The following NEK1 variants were observed in gnomAD, a reference collection of about 807,000 sequenced individuals.
NEK1 encodes the protein serine/threonine-protein kinase Nek1.
Under a neutral mutation model 182.1 loss-of-function variants are expected in NEK1, and 137 were observed. The observed-to-expected ratio is 0.75, with a 90% CI of 0.65 to 0.87. The LOEUF (loss-of-function observed/expected upper bound fraction) is 0.87. NEK1 is among the 40% of genes least tolerant of loss of function. NEK1 has a pLI of 0.00. For synonymous variants in NEK1, 513 were observed against 492.2 expected, an observed-to-expected ratio of 1.04 and a Z score of -0.56; for missense variants, 1,391 against 1,494.4, an observed-to-expected ratio of 0.93 and a Z score of 1.14.
At chr4:169,586,678 C>G (rs1358345867) in intron 9 of NEK1, among the ~76,000 whole-genome samples, 1 of 151,636 alleles carries the variant, frequency 6.6e-6, no homozygotes, top group Non-Finnish European at 1.5e-5. Context: ...AACCACCATC[C>G]CACATTACTT....
At chr4:169,522,129 TTCTGTCATCATC>T (rs1756168630) in intron 19 of NEK1, among the ~76,000 whole-genome samples, 1 of 152,236 alleles carries the variant, frequency 6.6e-6, no homozygotes, top group African/African-American at 2.4e-5. Flanking sequence ...TGATTCTATC[TTCTGTCATCATC>T]TCCACTGTAC....
intron 19 of NEK1, among the ~76,000 whole-genome samples, chr4:169,527,510 A>C (rs1355724138): frequency 6.6e-6 from 1 of 152,196 alleles, no homozygotes; most frequent in Admixed American, 6.5e-5. Context: ...CAAGACAACT[A>C]TACCATAAAG....
rs1407840815 is a variant in NEK1 at position 169,507,140 on chromosome 4, T to TA, written c.1912-9dup. 1 of 1,477,772 alleles carries TA rather than the reference T, an allele frequency of 6.8e-7. No homozygotes were observed. Among genetic ancestry groups the TA allele is most frequent in the Non-Finnish European group, 9.1e-7 (1 of 1,098,560 alleles). The allele number at this position is 1,477,772 out of a possible 1,614,324, so 91.5% of individuals were successfully genotyped here. ...ACGTGCATTTGCATGGGCCTAAAAA[T>TA]AAAAACAATTAACAAAATGAGTTAC... On this transcript the variant is annotated splice_polypyrimidine_tract_variant and intron_variant, in intron 22 of 35. Coordinates refer to ENST00000507142, the MANE Select transcript of NEK1 (RefSeq NM_001199397.3).
At chr4:169,449,797 G>A (rs1741343638) in intron 27 of NEK1, among the ~76,000 whole-genome samples, 1 of 152,226 alleles carries the variant, frequency 6.6e-6, no homozygotes, top group Non-Finnish European at 1.5e-5. Context: ...CTCCTTGCCA[G>A]CAACAGAACA....
chr4:169,472,232 G>A (rs1579970443), intron 26 of NEK1, among the ~76,000 whole-genome samples: 1 of 152,266 alleles, frequency 6.6e-6, no homozygotes, highest in Admixed American at 6.5e-5. Context: ...CGGCCATCCA[G>A]TTTTATGCTT....
chr4:169,514,230 C>T (rs1214014446), intron 19 of NEK1, among the ~76,000 whole-genome samples: 3 of 152,100 alleles, frequency 2.0e-5, no homozygotes, highest in African/African-American at 4.8e-5. Flanking sequence ...TCAGGTGATC[C>T]ACCTGCCTCG....
chr4:169,534,953 A>G (rs773130068), intron 19 of NEK1, among the ~76,000 whole-genome samples: 27 of 152,334 alleles, frequency 1.8e-4, no homozygotes, highest in Non-Finnish European at 3.1e-4. Flanking sequence ...TATATTCCGT[A>G]TGTTTAACAA....
intron 26 of NEK1, among the ~76,000 whole-genome samples, chr4:169,471,089 T>C (rs1477681791): frequency 1.3e-5 from 2 of 152,206 alleles, no homozygotes; most frequent in Non-Finnish European, 2.9e-5. Flanking sequence ...CTTGGAGAGT[T>C]TGTTATTACC....
chr4:169,487,966 A>C (rs1749346435), intron 23 of NEK1, among the ~76,000 whole-genome samples: 1 of 152,052 alleles, frequency 6.6e-6, no homozygotes, highest in Non-Finnish European at 1.5e-5. Flanking sequence ...TCTTCTTTTT[A>C]AGAAGTGTCT....
intron 23 of NEK1, among the ~76,000 whole-genome samples, chr4:169,491,599 C>G (rs1440743295): frequency 8.5e-6 from 1 of 117,674 alleles, no homozygotes; most frequent in Non-Finnish European, 2.0e-5. Flanking sequence ...AACTGATTTA[C>G]AAGAAATGCT....
intron 10 of NEK1, among the ~76,000 whole-genome samples, chr4:169,582,235 C>CAA (rs148319992): frequency 1.0e-4 from 15 of 148,954 alleles, no homozygotes; most frequent in African/African-American, 3.4e-4. Context: ...CTCCAATAGG[C>CAA]AAAAAAAAAT....
intron 5 of NEK1, among the ~76,000 whole-genome samples, chr4:169,597,282 C>A (rs1156891309): frequency 2.0e-5 from 3 of 152,054 alleles, no homozygotes; most frequent in Non-Finnish European, 2.9e-5. Flanking sequence ...AGAACAATTA[C>A]CAACTTGATA....
At chr4:169,455,485 T>C (rs1008312159) in intron 27 of NEK1, among the ~76,000 whole-genome samples, 4 of 151,914 alleles carry the variant, frequency 2.6e-5, no homozygotes, top group Non-Finnish European at 5.9e-5. Flanking sequence ...TGAGACAAAA[T>C]AGATTTCAAG....
At chr4:169,525,622 T>C (rs1416947740) in intron 19 of NEK1, among the ~76,000 whole-genome samples, 1 of 152,168 alleles carries the variant, frequency 6.6e-6, no homozygotes, top group African/African-American at 2.4e-5. Flanking sequence ...TACTAGAGCA[T>C]AGCCACACTA....
chr4:169,503,495 C>T (rs1476249989), intron 23 of NEK1, among the ~76,000 whole-genome samples: 2 of 152,118 alleles, frequency 1.3e-5, no homozygotes, highest in Admixed American at 1.3e-4. Context: ...GTAACCAAAA[C>T]AGCATGGTGC....
At chr4:169,471,667 G>A (rs1377744199) in intron 26 of NEK1, among the ~76,000 whole-genome samples, 5 of 152,316 alleles carry the variant, frequency 3.3e-5, no homozygotes, top group Non-Finnish European at 4.4e-5. Flanking sequence ...TGAGAGATCT[G>A]TTCCTCTCTT....
chr4:169,589,382 C>T (rs1768050069), intron 7 of NEK1, 65 bp downstream of exon 7: 1 of 886,680 alleles, frequency 1.1e-6, no homozygotes, highest in East Asian at 2.7e-5. Context: ...ATCACATATA[C>T]ATCATCATGG....
chr4:169,609,865 C>T (rs903790953), intron 2 of NEK1, among the ~76,000 whole-genome samples: 2 of 152,272 alleles, frequency 1.3e-5, no homozygotes, highest in Middle Eastern at 3.4e-3. Context: ...AATCCTTCAA[C>T]AATTCCCCAT....
chr4:169,565,421 T>C (rs1025868610), intron 12 of NEK1, among the ~76,000 whole-genome samples: 31 of 152,304 alleles, frequency 2.0e-4, no homozygotes, highest in Admixed American at 7.2e-4. Flanking sequence ...AAAATAATTA[T>C]GAGAGATCTC....
Sources: allele counts gnomAD v4.1 joint callset (sites outside exome capture counted in the v4.1 genomes callset), GRCh38; gene constraint gnomAD v4.1.1; transcripts MANE v1.5; gene names NCBI Gene and HGNC (gene_info 2026-07-23, HGNC 2026-07-21).